SLC16A3: variants seen among roughly 807,000 people sequenced by gnomAD.
SLC16A3 encodes solute carrier family 16 member 3.
Under a neutral mutation model 25.0 loss-of-function variants are expected in SLC16A3, and 22 were observed. The ratio of observed to expected loss-of-function variants is 0.88; its 90% confidence interval spans 0.63 to 1.26. SLC16A3 has a LOEUF of 1.26. Ranked by LOEUF, SLC16A3 falls within the 50% of genes most tolerant of loss-of-function variation. The pLI, the probability that SLC16A3 is intolerant of heterozygous loss-of-function variation, is 0.00. For missense variants in SLC16A3, 731 were observed against 666.6 expected (o/e 1.10, Z -1.06); for synonymous variants, 390 against 309.2 (o/e 1.26, Z -2.74).
rs948263227 is a variant in SLC16A3 at position 82,222,471 on chromosome 17, G to A, written c.-27+4287G>A. ...CAACAGATGAGTGAAGAAACGAAACGTGGTCCATCCACATGAGGAAACATC... is the reference window on the plus strand; with the variant it reads ...CAACAGATGAGTGAAGAAACGAAACATGGTCCATCCACATGAGGAAACATC... On this transcript the variant is annotated intron_variant, in intron 1 of 4. Transcript: ENST00000580098. Among the ~76,000 whole-genome samples the A allele has an allele frequency of 3.9e-5, 6 of 152,218 alleles. No homozygotes were observed. The East Asian group carries it at 7.7e-4, about 20-fold the overall frequency.
upstream of SLC16A3, among the ~76,000 whole-genome samples, chr17:82,227,014 G>A (rs1012806127): frequency 6.6e-6 from 1 of 152,176 alleles, no homozygotes; most frequent in African/African-American, 2.4e-5. Flanking sequence ...GGGAGCCAGT[G>A]CTGACTGGCC....
chr17:82,238,570 C>T, intron 4 of SLC16A3, 132 bp from the exon 5 acceptor site: 21 of 904,820 alleles, frequency 2.3e-5, no homozygotes, highest in Non-Finnish European at 3.3e-5. Flanking sequence ...AGAACACCTC[C>T]CAGCCCCACA....
In SLC16A3 at chr17:82,237,831, G is replaced by A; in HGVS notation, c.1061G>A (p.Ser354Asn). Reference protein sequence around the residue: ...MAIVGTHKFSSAIGLVLLMEA... With the variant: ...MAIVGTHKFSNAIGLVLLMEA... ...ATCGTGGGCACCCACAAGTTCTCCA[G>A]TGCCATTGGCCTGGTGCTGCTGATG... is the stretch of plus-strand genomic sequence containing the variant. Residue 354 changes from serine (S) to asparagine (N), a missense_variant, in exon 4 of 5, where the codon AGT (serine) becomes AAT (asparagine). Ser to Asn is a conservative substitution (Grantham distance 46). Coordinates refer to ENST00000582743, the MANE Select transcript of SLC16A3 (RefSeq NM_004207.4). 1 of 1,608,252 alleles carries A rather than the reference G, an allele frequency of 6.2e-7. No homozygotes were observed. The highest frequency in any genetic ancestry group is 8.5e-7 in the Non-Finnish European group (1 of 1,179,924).
At position 82,237,388 on chromosome 17, in the gene SLC16A3, G is replaced by A. The variant is rs747793877; in HGVS notation, c.618G>A (p.Pro206=). 7 of 1,547,254 alleles carry A rather than the reference G, an allele frequency of 4.5e-6. No individual in the cohort carries two copies. The highest frequency in any genetic ancestry group is 2.7e-5 in the African/African-American group (2 of 73,292). ...GGCCCCTGGTGGTCACGGCCCAGCC[G>A]GGCTCGGGGCCGCCGCGACCCTCCC... ...LMRPLVVTAQ[P]GSGPPRPSRR... The change falls in exon 4 of 5, where the codon CCG becomes CCA. Residue 206 remains proline (P), a synonymous_variant. Transcript: ENST00000582743.
rs574890411 is a variant in SLC16A3, at chr17:82,239,941, G to A, written c.*965G>A. On this transcript the variant is annotated 3_prime_UTR_variant, in exon 5 of 5. Transcript: ENST00000582743. ...GCCCTCGTGGCCAGCAGTGGCCTGC[G>A]TGGCTGGGAGCCCGGTCAGAGGCCG... is the stretch of plus-strand genomic sequence containing the variant. 407 of 1,194,546 alleles carry A rather than the reference G, an allele frequency of 3.4e-4. No individual in the cohort carries two copies. In the African/African-American group the frequency reaches 5.4e-3, roughly 16 times the overall value. 74.0% of individuals were successfully genotyped at this position (1,194,546 alleles called of 1,614,324 possible). A position where few individuals can be genotyped will look rare whatever the true frequency, so the allele number is the denominator to read the frequency against.
At chr17:82,231,110 CA>C (rs2147116368) in intron 1 of SLC16A3, 1 of 152,230 alleles carries the variant, frequency 6.6e-6, no homozygotes, top group East Asian at 1.9e-4. Flanking sequence ...GGGCTCCTCC[CA>C]TGGCGCGGTC....
At chr17:82,227,932 C>G (rs1037440933), upstream of SLC16A3, among the ~76,000 whole-genome samples, 1 of 152,200 alleles carries the variant, frequency 6.6e-6, no homozygotes, top group South Asian at 2.1e-4. Flanking sequence ...CAAGGCTGGG[C>G]TGCAGATGGA....
chr17:82,232,163 AC>A (rs2050507598), intron 1 of SLC16A3: 1 of 151,592 alleles, frequency 6.6e-6, no homozygotes, highest in Non-Finnish European at 1.5e-5. Context: ...GAAACGAATT[AC>A]CCTTTTCCTG....
upstream of SLC16A3, among the ~76,000 whole-genome samples, chr17:82,228,001 G>T (rs958296467): frequency 8.5e-5 from 13 of 152,220 alleles, no homozygotes; most frequent in Admixed American, 3.3e-4. Context: ...CTCTGGAGGG[G>T]TCCTCCATTG....
At chr17:82,234,182 T>A (rs796232887) in intron 1 of SLC16A3, 10 of 152,378 alleles carry the variant, frequency 6.6e-5, no homozygotes, top group African/African-American at 2.4e-4. Context: ...CCCTGCTGTA[T>A]ACTGTCATCT....
chr17:82,239,140 G>A lies in SLC16A3; in HGVS notation c.*164G>A, dbSNP rs1008470254. The A allele has an allele frequency of 8.7e-5, 57 of 655,432 alleles. No individual in the cohort carries two copies. In the African/African-American group the frequency reaches 9.7e-4, roughly 11 times the overall value. The allele number at this position is 655,432 out of a possible 1,614,324, so 40.6% of individuals were successfully genotyped here. On this transcript the variant is annotated 3_prime_UTR_variant, in exon 5 of 5. Coordinates refer to ENST00000582743, the MANE Select transcript of SLC16A3 (RefSeq NM_004207.4). ...AGTGTTTTGAGGGGGAAGGTGGCGG[G>A]GTGGGAACCGTGTCATTCCAGAGTG...
At chr17:82,238,004 A>G in intron 4 of SLC16A3, 111 bp downstream of exon 4, 1 of 1,291,680 alleles carries the variant, frequency 7.7e-7, no homozygotes, top group Middle Eastern at 2.7e-4. Context: ...TGTGGGACTC[A>G]GAGCTGGAGG....
chr17:82,238,514 C>T (rs1179594919), intron 4 of SLC16A3, among the ~76,000 whole-genome samples, 188 bp from the exon 5 acceptor site: 3 of 152,206 alleles, frequency 2.0e-5, no homozygotes, highest in African/African-American at 7.2e-5. Context: ...CTTGGTTCCC[C>T]TGAGGAGGAG....
rs372678570 is a variant in SLC16A3 at position 82,238,913 on chromosome 17, T to C, written c.1335T>C (p.His445=). The change falls in exon 5 of 5, where the codon CAT becomes CAC. Residue 445 remains histidine, a synonymous_variant. Transcript: ENST00000582743. ...DSGVDLREVE[H]FLKAEPEKNG... ...GGGTGGACTTGCGGGAGGTGGAGCA[T>C]TTCCTGAAGGCTGAGCCTGAGAAAA... The C allele has an allele frequency of 6.3e-6, 10 of 1,596,294 alleles. No homozygotes were observed. The African/African-American group carries it at 1.3e-4, about 21-fold the overall frequency.
In SLC16A3 at chr17:82,236,997, C is replaced by T. The variant is rs553929900; in HGVS notation, c.367+125C>T. 1.2e-5 allele frequency: 17 copies of T among 1,468,680 alleles called. No homozygotes were observed. In the Admixed American group the frequency reaches 1.3e-4, roughly 11 times the overall value. The allele number at this position is 1,468,680 out of a possible 1,614,324, so 91.0% of individuals were successfully genotyped here. On this transcript the variant is annotated intron_variant, in intron 3 of 4. Coordinates refer to ENST00000582743, the MANE Select transcript of SLC16A3 (RefSeq NM_004207.4). ...GCTGCGGGGTGTCCCGGCCCCACCT[C>T]GTTGTCCCCCTCTCGAGTGGGTGGG...
chr17:82,237,343 C>G lies in SLC16A3; in HGVS notation c.573C>G (p.Cys191Trp), dbSNP rs181699499. ...LILGGLLLNCCVCAALMRPLV... is the reference protein window; with the variant it reads ...LILGGLLLNCWVCAALMRPLV... ...TGGGCGGCCTGCTGCTCAACTGCTG[C>G]GTGTGTGCCGCACTCATGAGGCCCC... Residue 191 changes from cysteine to tryptophan, a missense_variant, in exon 4 of 5, where the codon TGC (cysteine) becomes TGG (tryptophan). Transcript: ENST00000582743. The G allele has an allele frequency of 2.6e-6, 4 of 1,539,124 alleles. No individual in the cohort carries two copies. Among genetic ancestry groups the G allele is most frequent in the African/African-American group, 2.7e-5 (2 of 72,988 alleles).
At chr17:82,223,693 T>C (rs987598665), upstream of SLC16A3, among the ~76,000 whole-genome samples, 31 of 151,944 alleles carry the variant, frequency 2.0e-4, no homozygotes, top group African/African-American at 7.3e-4. Flanking sequence ...TTTGTATTTT[T>C]TGGTAGAAAT....
chr17:82,235,845 C>T, intron 1 of SLC16A3, 138 bp from the exon 2 acceptor site: 1 of 629,028 alleles, frequency 1.6e-6, no homozygotes, highest in Non-Finnish European at 2.8e-6. Context: ...GACACCAGGT[C>T]AGGGGGCCAC....
chr17:82,231,925 C>G (rs576848508), intron 1 of SLC16A3: 7 of 152,380 alleles, frequency 4.6e-5, no homozygotes, highest in East Asian at 3.9e-4. Context: ...GCGTCCACCC[C>G]CTGCAAGCTC....
Sources: allele counts gnomAD v4.1 joint callset (sites outside exome capture counted in the v4.1 genomes callset), GRCh38; gene constraint gnomAD v4.1.1; transcripts MANE v1.5; gene names NCBI Gene and HGNC (gene_info 2026-07-23, HGNC 2026-07-21).